NKAIN2: variants seen among roughly 807,000 people sequenced by gnomAD.
The protein encoded by NKAIN2 is sodium/potassium-transporting ATPase subunit beta-1-interacting protein 2.
In NKAIN2, 14 loss-of-function variants were observed where a neutral mutation model predicts 32.6. That is an observed-to-expected ratio of 0.43 (90% CI 0.28 to 0.67). The LOEUF (loss-of-function observed/expected upper bound fraction) is 0.67. Among genes scored for constraint, NKAIN2 ranks in the 30% least tolerant of loss-of-function variants. NKAIN2 has a pLI of 0.17. For missense variants in NKAIN2, 198 were observed against 258.3 expected (o/e 0.77, Z 1.60); for synonymous variants, 80 against 87.2 (o/e 0.92, Z 0.46).
chr6:123,924,019 T>C (rs148276368), intron 1 of NKAIN2, among the ~76,000 whole-genome samples: 173 of 151,954 alleles, frequency 1.1e-3, no homozygotes, highest in African/African-American at 3.8e-3. Flanking sequence ...ATTTCAATAT[T>C]AGGAATCTTT....
At chr6:123,863,374 C>A (rs1451630066) in intron 1 of NKAIN2, among the ~76,000 whole-genome samples, 1 of 152,206 alleles carries the variant, frequency 6.6e-6, no homozygotes, top group African/African-American at 2.4e-5. Context: ...TCCCCTCACT[C>A]TTCATTGTTA....
At chr6:123,992,779 A>G (rs914120083) in intron 1 of NKAIN2, among the ~76,000 whole-genome samples, 1 of 152,214 alleles carries the variant, frequency 6.6e-6, no homozygotes, top group Admixed American at 6.5e-5. Context: ...AATGGCCTTT[A>G]TTAGTGGGAG....
intron 1 of NKAIN2, among the ~76,000 whole-genome samples, chr6:124,174,542 T>C (rs971119397): frequency 6.6e-6 from 1 of 152,204 alleles, no homozygotes; most frequent in Non-Finnish European, 1.5e-5. Flanking sequence ...TACTCTGTTC[T>C]ACAGAGTTGT....
chr6:123,989,392 A>T (rs1296271713), intron 1 of NKAIN2, among the ~76,000 whole-genome samples: 1 of 152,360 alleles, frequency 6.6e-6, no homozygotes, highest in Middle Eastern at 3.4e-3. Flanking sequence ...CGACATTGTT[A>T]TAATGGAAAG....
At chr6:124,516,953 G>A (rs1191697928) in intron 3 of NKAIN2, among the ~76,000 whole-genome samples, 1 of 152,160 alleles carries the variant, frequency 6.6e-6, no homozygotes, top group Non-Finnish European at 1.5e-5. Context: ...CTATAAATGT[G>A]TAATGAGTCT....
chr6:124,006,454 G>A (rs1373704401), intron 1 of NKAIN2, among the ~76,000 whole-genome samples: 1 of 152,194 alleles, frequency 6.6e-6, no homozygotes, highest in African/African-American at 2.4e-5. Flanking sequence ...TCAGTTTCTA[G>A]TGATAGAAAC....
chr6:124,705,380 G>C (rs1298903123), intron 4 of NKAIN2, among the ~76,000 whole-genome samples: 3 of 152,010 alleles, frequency 2.0e-5, no homozygotes, highest in Admixed American at 6.6e-5. Flanking sequence ...CTTATAAAAT[G>C]ATACCACATG....
chr6:124,757,371 T>C (rs1294369229), intron 4 of NKAIN2, among the ~76,000 whole-genome samples: 4 of 152,106 alleles, frequency 2.6e-5, no homozygotes, highest in African/African-American at 7.2e-5. Flanking sequence ...CTCTCATATA[T>C]TGATACATAT....
chr6:124,497,915 G>A (rs984807755), intron 3 of NKAIN2, among the ~76,000 whole-genome samples: 5 of 150,272 alleles, frequency 3.3e-5, no homozygotes, highest in Non-Finnish European at 7.4e-5. Flanking sequence ...GTTTCATTCT[G>A]TAGGGGCTTT....
intron 3 of NKAIN2, among the ~76,000 whole-genome samples, chr6:124,387,367 A>G (rs1335378893): frequency 1.1e-4 from 17 of 151,856 alleles, no homozygotes; most frequent in Non-Finnish European, 1.5e-5. Context: ...ATTGCATGAA[A>G]CTGAATTCAC....
At chr6:123,929,430 G>A (rs572021603) in intron 1 of NKAIN2, among the ~76,000 whole-genome samples, 5 of 152,154 alleles carry the variant, frequency 3.3e-5, no homozygotes, top group Non-Finnish European at 7.4e-5. Flanking sequence ...ATTCTATGCA[G>A]AAATCAGAAA....
At chr6:124,554,876 A>G (rs1027609457) in intron 3 of NKAIN2, among the ~76,000 whole-genome samples, 1 of 152,178 alleles carries the variant, frequency 6.6e-6, no homozygotes. Flanking sequence ...CTGGTCTGTG[A>G]GCTACAAGGC....
intron 1 of NKAIN2, among the ~76,000 whole-genome samples, chr6:123,819,883 A>AT (rs1172813615): frequency 6.6e-6 from 1 of 152,148 alleles, no homozygotes; most frequent in Non-Finnish European, 1.5e-5. Context: ...GTTATGCTTG[A>AT]TTTTTTTCAG....
chr6:123,988,277 A>G (rs1365878139), intron 1 of NKAIN2, among the ~76,000 whole-genome samples: 1 of 152,218 alleles, frequency 6.6e-6, no homozygotes, highest in African/African-American at 2.4e-5. Context: ...ATTTTCTCAT[A>G]CAATTTAATT....
intron 1 of NKAIN2, among the ~76,000 whole-genome samples, chr6:124,193,088 T>G (rs1274804653): frequency 6.6e-6 from 1 of 152,138 alleles, no homozygotes; most frequent in Non-Finnish European, 1.5e-5. Flanking sequence ...GAAGCTCTGT[T>G]ATTGGGTGCA....
At chr6:123,954,108 A>G (rs1410495081) in intron 1 of NKAIN2, among the ~76,000 whole-genome samples, 3 of 152,340 alleles carry the variant, frequency 2.0e-5, no homozygotes, top group South Asian at 4.1e-4. Flanking sequence ...AGCCAGCTGC[A>G]GCAGTTACTG....
intron 1 of NKAIN2, among the ~76,000 whole-genome samples, chr6:124,269,763 G>A (rs913894279): frequency 3.3e-5 from 5 of 151,868 alleles, no homozygotes; most frequent in Non-Finnish European, 7.4e-5. Context: ...CCACCACATA[G>A]GGCCTCTAGT....
intron 1 of NKAIN2, among the ~76,000 whole-genome samples, chr6:124,267,596 A>C (rs998666166): frequency 2.0e-5 from 3 of 152,144 alleles, no homozygotes; most frequent in African/African-American, 7.2e-5. Context: ...GATATATTAA[A>C]ATTTTTACAC....
chr6:124,237,404 G>A lies in NKAIN2; in HGVS notation c.55-45601G>A, dbSNP rs187279195. ...TTTGAGAGAGAGAGCCTGAAACAGAGGATCTGGAATTTATCAAGAAATGAG... is the reference window on the plus strand; with the variant it reads ...TTTGAGAGAGAGAGCCTGAAACAGAAGATCTGGAATTTATCAAGAAATGAG... On this transcript the variant is annotated intron_variant, in intron 1 of 6. Coordinates refer to ENST00000368417, the MANE Select transcript of NKAIN2 (RefSeq NM_001040214.3). Among the ~76,000 whole-genome samples the A allele has an allele frequency of 1.0e-3, 158 of 152,170 alleles. 1 individual carries two copies. The highest frequency in any genetic ancestry group is 3.7e-3 in the African/African-American group (153 of 41,550).
Sources: allele counts gnomAD v4.1 joint callset (sites outside exome capture counted in the v4.1 genomes callset), GRCh38; gene constraint gnomAD v4.1.1; transcripts MANE v1.5; gene names NCBI Gene and HGNC (gene_info 2026-07-23, HGNC 2026-07-21).